KATNAL1: variants seen among roughly 807,000 people sequenced by gnomAD.
KATNAL1 encodes katanin p60 ATPase-containing subunit A-like 1.
Under a neutral mutation model 55.2 loss-of-function variants are expected in KATNAL1, and 32 were observed. That is an observed-to-expected ratio of 0.58 (90% confidence interval 0.44 to 0.78). The LOEUF (loss-of-function observed/expected upper bound fraction) is 0.78, where lower values mean the gene tolerates loss of function less well. Among genes scored for constraint, KATNAL1 ranks in the 30% least tolerant of loss-of-function variants. KATNAL1 has a pLI of 0.00. For missense variants in KATNAL1, 466 were observed against 600.9 expected, an observed-to-expected ratio of 0.78 and a Z score of 2.35; for synonymous variants, 193 against 193.6, an observed-to-expected ratio of 1.00 and a Z score of 0.02.
At chr13:30,295,280 T>G (rs1476435205) in intron 1 of KATNAL1, among the ~76,000 whole-genome samples, 3 of 152,226 alleles carry the variant, frequency 2.0e-5, no homozygotes, top group Non-Finnish European at 4.4e-5. Context: ...CATTTGTGAT[T>G]CAAGGGAGGA....
At chr13:30,218,211 T>TAG (rs1340136920) in intron 9 of KATNAL1, among the ~76,000 whole-genome samples, 1 of 136,022 alleles carries the variant, frequency 7.4e-6, no homozygotes, top group African/African-American at 2.7e-5. Context: ...AAGGAATATA[T>TAG]ATATATATAT....
intron 1 of KATNAL1, among the ~76,000 whole-genome samples, chr13:30,284,440 T>C (rs1466154573): frequency 6.6e-6 from 1 of 152,142 alleles, no homozygotes; most frequent in Non-Finnish European, 1.5e-5. Context: ...ATATAAAAAA[T>C]ATGAATATCA....
chr13:30,253,864 ATG>A (rs1878563524), intron 4 of KATNAL1, among the ~76,000 whole-genome samples: 1 of 152,176 alleles, frequency 6.6e-6, no homozygotes, highest in Admixed American at 6.5e-5. Flanking sequence ...CAGGAAAAAG[ATG>A]TGTGACTTCA....
chr13:30,269,962 C>T (rs1880141607), intron 3 of KATNAL1, among the ~76,000 whole-genome samples: 3 of 150,758 alleles, frequency 2.0e-5, no homozygotes, highest in African/African-American at 4.9e-5. Flanking sequence ...TCTGCCCGGC[C>T]ACCCCTACTG....
At position 30,205,365 on chromosome 13, in the gene KATNAL1, T is replaced by C. The variant is rs1167579607; in HGVS notation, c.*3175A>G. 4 of 152,002 alleles carry C rather than the reference T, an allele frequency of 2.6e-5. No individual in the cohort carries two copies. The allele number at this position is 152,002 out of a possible 1,614,324, so 9.4% of individuals were successfully genotyped here. The stretch of plus-strand genomic sequence containing the variant: ...ACTCACTGTGTCTTGGACCAACCAA[T>C]ACACGTCTACAGAATGAAGGGACTA... On this transcript the variant is annotated 3_prime_UTR_variant, in exon 11 of 11. Coordinates refer to ENST00000380615, the MANE Select transcript of KATNAL1 (RefSeq NM_032116.5).
At chr13:30,261,961 C>G (rs897002880) in intron 3 of KATNAL1, among the ~76,000 whole-genome samples, 3 of 152,074 alleles carry the variant, frequency 2.0e-5, no homozygotes, top group African/African-American at 4.8e-5. Flanking sequence ...TGACCACATA[C>G]TTGGAAGTAA....
chr13:30,243,874 T>C (rs1223122796), intron 4 of KATNAL1, among the ~76,000 whole-genome samples: 21 of 152,208 alleles, frequency 1.4e-4, no homozygotes, highest in Admixed American at 1.2e-3. Context: ...TATTCATCTG[T>C]TGCCTGATTT....
intron 6 of KATNAL1, among the ~76,000 whole-genome samples, chr13:30,239,157 C>G (rs1876991440): frequency 1.3e-5 from 2 of 152,148 alleles, no homozygotes; most frequent in African/African-American, 2.4e-5. Flanking sequence ...TGCTTGTAAT[C>G]CCAGCACTTC....
chr13:30,298,028 T>A (rs202089), intron 1 of KATNAL1, among the ~76,000 whole-genome samples: 150,651 of 152,368 alleles, frequency 0.99, 74,507 homozygotes, highest in East Asian at 1. Flanking sequence ...AAGTTAAAAA[T>A]TTTTAAAGTA....
rs557908179 is a variant in KATNAL1, at chr13:30,255,991, T to TC, written c.324-377_324-376insG. 2.6e-3 allele frequency among the ~76,000 whole-genome samples: 400 copies of TC among 152,328 alleles called. 1 individual carries two copies. The highest frequency in any genetic ancestry group is 0.015 in the Admixed American group (227 of 15,308). On this transcript the variant is annotated intron_variant, in intron 3 of 10. Transcript: ENST00000380615. The stretch of plus-strand genomic sequence containing the variant: ...AAACCAAGAATAAGTAACTTTTTTT[T>TC]AGAAAAAAGCATTAAAAGCTGTAAG...
chr13:30,262,033 G>A (rs1034343654), intron 3 of KATNAL1, among the ~76,000 whole-genome samples: 17 of 152,056 alleles, frequency 1.1e-4, no homozygotes, highest in Admixed American at 3.3e-4. Flanking sequence ...AGACCACAGT[G>A]CAATCAAACT....
chr13:30,263,586 T>C (rs1251419175), intron 3 of KATNAL1, among the ~76,000 whole-genome samples: 33 of 151,854 alleles, frequency 2.2e-4, no homozygotes, highest in Admixed American at 2.2e-3. Context: ...ACAGACAAAA[T>C]CATGAGAGAA....
chr13:30,234,484 A>ATG (rs1186968082), intron 6 of KATNAL1, among the ~76,000 whole-genome samples: 148 of 152,024 alleles, frequency 9.7e-4, no homozygotes, highest in African/African-American at 3.4e-3. Flanking sequence ...TCTTCTTGAA[A>ATG]CCCTGACACT....
intron 9 of KATNAL1, among the ~76,000 whole-genome samples, chr13:30,213,098 G>A (rs1410349846): frequency 2.0e-5 from 3 of 152,126 alleles, no homozygotes; most frequent in East Asian, 3.8e-4. Context: ...TCTAGCTTCC[G>A]GTACTATGAG....
In KATNAL1 at chr13:30,219,543, TAAC is replaced by T. The variant is rs201539024; in HGVS notation, c.1147+7866_1147+7868del. On this transcript the variant is annotated intron_variant, in intron 9 of 10. Coordinates refer to ENST00000380615, the MANE Select transcript of KATNAL1 (RefSeq NM_032116.5). ...ATGTCTGGCTTCCAAAGCAGTTCTT[TAAC>T]AACAAGGAATGAACATTATTTATAT... 6.4e-4 allele frequency among the ~76,000 whole-genome samples: 97 copies of T among 152,352 alleles called. No homozygotes were observed. The East Asian group carries it at 0.017, about 27-fold the overall frequency.
At chr13:30,276,067 C>T (rs1326849222) in intron 3 of KATNAL1, among the ~76,000 whole-genome samples, 1 of 152,036 alleles carries the variant, frequency 6.6e-6, no homozygotes, top group Non-Finnish European at 1.5e-5. Context: ...TTCGTTAATA[C>T]AAGAAATATT....
intron 6 of KATNAL1, among the ~76,000 whole-genome samples, chr13:30,236,494 ATTCATTT>A (rs1484222698): frequency 6.6e-6 from 1 of 152,162 alleles, no homozygotes; most frequent in Non-Finnish European, 1.5e-5. Flanking sequence ...TCACAAATCC[ATTCATTT>A]TTCACTAACC....
rs371832687 is a variant in KATNAL1, at chr13:30,231,330, C to A, written c.869G>T (p.Arg290Leu). ...GTCACTCACCATCTCAAACAACAGA[C>A]GAACTAACTTCTCAGATTCACCTCT... ...KYRGESEKLVRLLFEMARFYA... is the reference protein window; with the variant it reads ...KYRGESEKLVLLLFEMARFYA... Residue 290 changes from arginine to leucine, a missense_variant, in exon 7 of 11, where the codon CGT (arginine) becomes CTT (leucine). By Grantham distance (102) the Arg-to-Leu change is moderately radical. Around this residue, in one of 3 missense-constraint regions of KATNAL1, gnomAD observed 213 missense variants for 308.6 expected, o/e 0.69. Coordinates refer to ENST00000380615, the MANE Select transcript of KATNAL1 (RefSeq NM_032116.5). 6.2e-7 allele frequency: 1 copy of A among 1,606,962 alleles called. No homozygotes were observed. The highest frequency in any genetic ancestry group is 8.5e-7 in the Non-Finnish European group (1 of 1,176,604).
Position 30,205,198 on chromosome 13 carries a change from A to C in KATNAL1, c.*3342T>G. 1 of 152,252 alleles carries C rather than the reference A, an allele frequency of 6.6e-6. No homozygotes were observed. The allele number at this position is 152,252 out of a possible 1,614,324, so 9.4% of individuals were successfully genotyped here. A position where few individuals can be genotyped will look rare whatever the true frequency, so the allele number is the denominator to read the frequency against. On this transcript the variant is annotated 3_prime_UTR_variant, in exon 11 of 11. Transcript: ENST00000380615. ...CTTTTATATATTTTTCCAAAGCACA[A>C]ACAGATTACTATGCCTCTCCATCAG...
Sources: allele counts gnomAD v4.1 joint callset (sites outside exome capture counted in the v4.1 genomes callset), GRCh38; gene constraint gnomAD v4.1.1; regional missense constraint gnomAD v4.1.1; transcripts MANE v1.5; gene names NCBI Gene and HGNC (gene_info 2026-07-23, HGNC 2026-07-21).